Variants in PRKAA2 observed in about 807,000 individuals in gnomAD.
PRKAA2 encodes the protein protein kinase AMP-activated catalytic subunit alpha 2.
A neutral mutation model predicts 56.3 loss-of-function variants in PRKAA2; 40 were observed. The observed-to-expected ratio is 0.71, with a 90% CI of 0.55 to 0.92. PRKAA2 has a LOEUF of 0.92. Ranked by LOEUF, PRKAA2 falls within the 40% of genes least tolerant of loss-of-function variation. The probability of loss-of-function intolerance (pLI) is 0.00; values close to 1 mark genes in which losing one functional copy is unlikely to be tolerated. For synonymous variants in PRKAA2, 214 were observed against 234.2 expected (o/e 0.91, Z 0.79); for missense variants, 542 against 686.9 (o/e 0.79, Z 2.36).
At position 56,686,223 on chromosome 1, in the gene PRKAA2, T is replaced by C. The variant is rs1402668902; in HGVS notation, c.237-5171T>C. 2.0e-5 allele frequency among the ~76,000 whole-genome samples: 3 copies of C among 152,366 alleles called. No individual in the cohort carries two copies. The East Asian group carries it at 5.8e-4, about 29-fold the overall frequency. On this transcript the variant is annotated intron_variant, in intron 2 of 8. Coordinates refer to ENST00000371244, the MANE Select transcript of PRKAA2 (RefSeq NM_006252.4). ...ACAGCATTTTCTACGAAGAAATGTATATGGTGTTTTGCAACTGTTGGAGAA... is the reference window on the plus strand; with the variant it reads ...ACAGCATTTTCTACGAAGAAATGTACATGGTGTTTTGCAACTGTTGGAGAA...
At chr1:56,700,608 G>A (rs1444791791) in intron 6 of PRKAA2, among the ~76,000 whole-genome samples, 5 of 152,162 alleles carry the variant, frequency 3.3e-5, no homozygotes, top group African/African-American at 1.2e-4. Context: ...AGGCAGTTGC[G>A]ATGTTAGACA....
rs988412349 is a variant in PRKAA2, at chr1:56,690,046, C to T, written c.237-1348C>T. ...AGTAGTCAATTCATTGTTTTATCTA[C>T]GCCAGATTATTTTGAAGCAAATCTC... On this transcript the variant is annotated intron_variant, in intron 2 of 8. Coordinates refer to ENST00000371244, the MANE Select transcript of PRKAA2 (RefSeq NM_006252.4). Among the ~76,000 whole-genome samples the T allele has an allele frequency of 9.2e-5, 14 of 152,214 alleles. No homozygotes were observed. The East Asian group carries it at 1.2e-3, about 13-fold the overall frequency.
intron 1 of PRKAA2, among the ~76,000 whole-genome samples, chr1:56,662,261 T>C (rs1046186879): frequency 2.6e-5 from 4 of 152,176 alleles, no homozygotes; most frequent in African/African-American, 9.7e-5. Flanking sequence ...ATCTCTTTTT[T>C]TCTGCAGTTT....
Position 56,692,347 on chromosome 1 carries a change from G to C in PRKAA2, c.331-11G>C. On this transcript the variant is annotated splice_polypyrimidine_tract_variant and intron_variant, in intron 3 of 8. Coordinates refer to ENST00000371244, the MANE Select transcript of PRKAA2 (RefSeq NM_006252.4). ...AGATATTCTTAATGCAGTTTCTTTT[G>C]TGCTTGATAGGTTGAAGAGATGGAA... 6.2e-7 allele frequency: 1 copy of C among 1,613,692 alleles called. No individual in the cohort carries two copies. The highest frequency in any genetic ancestry group is 8.5e-7 in the Non-Finnish European group (1 of 1,179,846).
Position 56,710,808 on chromosome 1 carries a change from G to C in PRKAA2, c.*3095G>C, listed in dbSNP as rs190770515. The C allele has an allele frequency of 6.6e-6, 1 of 152,040 alleles. No homozygotes were observed. The highest frequency in any genetic ancestry group is 2.1e-4 in the South Asian group (1 of 4,824). 9.4% of individuals were successfully genotyped at this position (152,040 alleles called of 1,614,324 possible). On this transcript the variant is annotated 3_prime_UTR_variant, in exon 9 of 9. Coordinates refer to ENST00000371244, the MANE Select transcript of PRKAA2 (RefSeq NM_006252.4). ...TTACTTGTTAAAAAAAAGTCTAAGAGACTAATGACTCATGCTTATGGCTCA... is the reference window on the plus strand; with the variant it reads ...TTACTTGTTAAAAAAAAGTCTAAGACACTAATGACTCATGCTTATGGCTCA...
At chr1:56,700,809 C>T (rs1644288806) in intron 6 of PRKAA2, among the ~76,000 whole-genome samples, 1 of 152,018 alleles carries the variant, frequency 6.6e-6, no homozygotes, top group African/African-American at 2.4e-5. Context: ...AACTATTCTG[C>T]TCCTCTATTC....
At chr1:56,695,437 C>T (rs535222694) in intron 5 of PRKAA2, among the ~76,000 whole-genome samples, 13 of 151,978 alleles carry the variant, frequency 8.6e-5, no homozygotes, top group Non-Finnish European at 1.6e-4. Flanking sequence ...GCAATCCGCC[C>T]GCCTCAGCCT....
intron 6 of PRKAA2, among the ~76,000 whole-genome samples, chr1:56,697,319 C>T (rs1225202990): frequency 6.6e-6 from 1 of 152,032 alleles, no homozygotes; most frequent in Non-Finnish European, 1.5e-5. Context: ...TCGTTGCACC[C>T]AGTTCCAGAA....
In PRKAA2 at chr1:56,645,471, C is replaced by A; in HGVS notation, c.84C>A (p.Gly28=). The change falls in exon 1 of 9, where the codon GGC becomes GGA. Residue 28 remains glycine (G), a synonymous_variant. Coordinates refer to ENST00000371244, the MANE Select transcript of PRKAA2 (RefSeq NM_006252.4). ...ACACGCTGGGCGTCGGCACCTTCGGCAAAGTGAAGAGTTGAGTACGCGCTC... is the reference window on the plus strand; with the variant it reads ...ACACGCTGGGCGTCGGCACCTTCGGAAAAGTGAAGAGTTGAGTACGCGCTC... ...LGDTLGVGTF[G]KVKIGEHQLT... The A allele has an allele frequency of 6.7e-7, 1 of 1,496,068 alleles. No homozygotes were observed. The highest frequency in any genetic ancestry group is 1.2e-5 in the South Asian group (1 of 82,018). 92.7% of individuals were successfully genotyped at this position (1,496,068 alleles called of 1,614,324 possible). A position where few individuals can be genotyped will look rare whatever the true frequency, so the allele number is the denominator to read the frequency against.
chr1:56,667,438 A>G (rs1454718403), intron 1 of PRKAA2, among the ~76,000 whole-genome samples: 1 of 152,210 alleles, frequency 6.6e-6, no homozygotes, highest in African/African-American at 2.4e-5. Flanking sequence ...TTATTATTAC[A>G]TATGGTGTGT....
chr1:56,671,342 T>C (rs1644074511), intron 1 of PRKAA2: 1 of 152,202 alleles, frequency 6.6e-6, no homozygotes, highest in Non-Finnish European at 1.5e-5. Context: ...GAGAGACGTA[T>C]TTGTTAGACC....
chr1:56,711,466 G>A lies in PRKAA2; in HGVS notation c.*3753G>A, dbSNP rs955102297. ...ACAGACACCACTTTGTCTATTCACC[G>A]GGTACTAATTTACATCCTATTAATG... On this transcript the variant is annotated 3_prime_UTR_variant, in exon 9 of 9. Coordinates refer to ENST00000371244, the MANE Select transcript of PRKAA2 (RefSeq NM_006252.4). 6.6e-6 allele frequency: 1 copy of A among 152,024 alleles called. No homozygotes were observed. Among genetic ancestry groups the A allele is most frequent in the Non-Finnish European group, 1.5e-5 (1 of 67,986 alleles). The allele number at this position is 152,024 out of a possible 1,614,324, so 9.4% of individuals were successfully genotyped here.
At chr1:56,691,601 C>T in intron 3 of PRKAA2, 114 bp downstream of exon 3, 1 of 623,364 alleles carries the variant, frequency 1.6e-6, no homozygotes, top group Non-Finnish European at 2.5e-6. Flanking sequence ...TATGGTAGTG[C>T]TCAACTAAAC....
At chr1:56,651,361 A>AT (rs1046472762) in intron 1 of PRKAA2, among the ~76,000 whole-genome samples, 35 of 151,810 alleles carry the variant, frequency 2.3e-4, no homozygotes, top group Admixed American at 2.0e-3. Context: ...TATGCACTTG[A>AT]TTTTTTTTTA....
intron 2 of PRKAA2, among the ~76,000 whole-genome samples, chr1:56,690,543 T>C (rs1200081942): frequency 6.6e-6 from 1 of 152,248 alleles, no homozygotes; most frequent in African/African-American, 2.4e-5. Flanking sequence ...GATTGTTTCA[T>C]AAATGGTTTT....
At chr1:56,677,580 C>T (rs1466374479) in intron 2 of PRKAA2, among the ~76,000 whole-genome samples, 1 of 152,016 alleles carries the variant, frequency 6.6e-6, no homozygotes, top group Non-Finnish European at 1.5e-5. Flanking sequence ...TTCCCAGTTC[C>T]TAAAAACACA....
chr1:56,706,776 C>T (rs1241095688), intron 8 of PRKAA2, among the ~76,000 whole-genome samples: 8 of 152,240 alleles, frequency 5.3e-5, no homozygotes, highest in African/African-American at 1.4e-4. Context: ...ATTTCAGAGG[C>T]CCAAGTGGGA....
intron 3 of PRKAA2, 102 bp downstream of exon 3, chr1:56,691,589 T>C: frequency 1.2e-6 from 1 of 811,846 alleles, no homozygotes; most frequent in East Asian, 3.0e-5. Context: ...TGAAGTTGCT[T>C]TTATGGTAGT....
intron 2 of PRKAA2, among the ~76,000 whole-genome samples, chr1:56,688,388 C>T (rs1644206273): frequency 6.6e-6 from 1 of 152,106 alleles, no homozygotes. Flanking sequence ...AGGCACTTTA[C>T]TAAATACATA....
Sources: allele counts gnomAD v4.1 joint callset (sites outside exome capture counted in the v4.1 genomes callset), GRCh38; gene constraint gnomAD v4.1.1; transcripts MANE v1.5; gene names NCBI Gene and HGNC (gene_info 2026-07-23, HGNC 2026-07-21).